PLCE1: variants seen among roughly 807,000 people sequenced by gnomAD.
PLCE1 encodes the protein phospholipase C epsilon 1, also known as 1-phosphatidylinositol 4,5-bisphosphate phosphodiesterase epsilon-1.
PLCE1 carries 119 observed loss-of-function variants against 242.8 expected under a neutral mutation model. The ratio of observed to expected loss-of-function variants is 0.49; its 90% confidence interval spans 0.42 to 0.57. The LOEUF is 0.57. PLCE1 is among the 20% of genes least tolerant of loss of function. The pLI is 0.00. For synonymous variants in PLCE1, 945 were observed against 1,017.4 expected (o/e 0.93, Z 1.35); for missense variants, 2,441 against 2,788.8 (o/e 0.88, Z 2.81).
chr10:94,185,236 G>T (rs1013893690), intron 4 of PLCE1, among the ~76,000 whole-genome samples: 1 of 152,222 alleles, frequency 6.6e-6, no homozygotes, highest in Non-Finnish European at 1.5e-5. Context: ...AGTGGCTCAC[G>T]CCTGTAATAA....
rs886047500 is a variant in PLCE1, at chr10:94,252,502, G to T, written c.3279+4G>T. 6.2e-7 allele frequency: 1 copy of T among 1,610,586 alleles called. No homozygotes were observed. Among genetic ancestry groups the T allele is most frequent in the Non-Finnish European group, 8.5e-7 (1 of 1,178,022 alleles). ...AAAGAAGAAAATCCTCATGAGGGTA[G>T]AGTGTTATTTGTTTATTAAGCATTA... is the stretch of plus-strand genomic sequence containing the variant. On this transcript the variant is annotated splice_donor_region_variant and intron_variant, in intron 9 of 32. Transcript: ENST00000371380.
intron 2 of PLCE1, among the ~76,000 whole-genome samples, chr10:94,051,405 C>T (rs1459085231): frequency 1.3e-5 from 2 of 151,298 alleles, no homozygotes; most frequent in African/African-American, 4.9e-5. Context: ...TTGCCAGCTG[C>T]TCTGGTCTAG....
At chr10:94,072,130 A>G (rs2044378312) in intron 2 of PLCE1, among the ~76,000 whole-genome samples, 1 of 152,188 alleles carries the variant, frequency 6.6e-6, no homozygotes, top group African/African-American at 2.4e-5. Flanking sequence ...TGAGGCTGAA[A>G]TGATACTCCT....
intron 4 of PLCE1, among the ~76,000 whole-genome samples, chr10:94,198,581 T>A (rs1454392005): frequency 6.6e-6 from 1 of 152,204 alleles, no homozygotes; most frequent in Non-Finnish European, 1.5e-5. Context: ...ATCCCAAAAG[T>A]TTTCATCCCA....
At chr10:94,085,268 A>G (rs1188806506) in intron 2 of PLCE1, among the ~76,000 whole-genome samples, 1 of 152,190 alleles carries the variant, frequency 6.6e-6, no homozygotes, top group East Asian at 1.9e-4. Flanking sequence ...GCTTTGCCCC[A>G]TCTGGTACTG....
In PLCE1 at chr10:94,324,553, A is replaced by G. The variant is rs1336628562; in HGVS notation, c.6706A>G (p.Lys2236Glu). Reference sequence around the variant, plus strand: ...TGCAGGAAAATTCATCCTTAAGCTAAAGGAGCAGGTGCAGGTAAAGTTTAA... The same window carrying G: ...TGCAGGAAAATTCATCCTTAAGCTAGAGGAGCAGGTGCAGGTAAAGTTTAA... ...KGAGKFILKLKEQVQASREDK... is the reference protein window; with the variant it reads ...KGAGKFILKLEEQVQASREDK... The change falls in exon 31 of 33, where the codon AAG (lysine) becomes GAG (glutamate). Residue 2236 changes from lysine to glutamate, a missense_variant. Physicochemically the swap from Lys to Glu is moderately conservative, Grantham distance 56. This residue lies in a region of PLCE1 where 310 missense variants were observed against 317.2 expected (regional missense o/e 0.98). Coordinates refer to ENST00000371380, the MANE Select transcript of PLCE1 (RefSeq NM_016341.4). The G allele has an allele frequency of 6.2e-7, 1 of 1,613,454 alleles. No individual in the cohort carries two copies. Among genetic ancestry groups the G allele is most frequent in the Non-Finnish European group, 8.5e-7 (1 of 1,179,356 alleles).
intron 1 of PLCE1, among the ~76,000 whole-genome samples, chr10:93,996,975 A>G (rs1259964971): frequency 6.6e-6 from 1 of 152,220 alleles, no homozygotes; most frequent in African/African-American, 2.4e-5. Context: ...ACTGGTTTCC[A>G]AATGAAATTT....
In PLCE1 at chr10:94,190,308, T is replaced by A. The variant is rs552586489; in HGVS notation, c.1809+18812T>A. On this transcript the variant is annotated intron_variant, in intron 4 of 32. Transcript: ENST00000371380. ...ATTAAATTAATTAATTACGTTTTTT[T>A]AAAAAGATAATGAATCCTGGCTGGG... 4.7e-4 allele frequency among the ~76,000 whole-genome samples: 71 copies of A among 152,236 alleles called. No homozygotes were observed. In the South Asian group the frequency reaches 0.011, roughly 23 times the overall value.
chr10:94,111,418 A>G (rs1351059440), intron 2 of PLCE1, among the ~76,000 whole-genome samples: 9 of 152,222 alleles, frequency 5.9e-5, no homozygotes, highest in Admixed American at 5.9e-4. Context: ...GAAAGCAGAA[A>G]TGCAGTTGAC....
intron 8 of PLCE1, among the ~76,000 whole-genome samples, chr10:94,247,141 T>G (rs1383560195): frequency 1.4e-5 from 2 of 146,416 alleles, no homozygotes; most frequent in Non-Finnish European, 3.0e-5. Context: ...AAAGTTAATA[T>G]GTGTAAAGCC....
chr10:94,312,091 T>C (rs1001262186), intron 27 of PLCE1, among the ~76,000 whole-genome samples: 1 of 152,202 alleles, frequency 6.6e-6, no homozygotes, highest in African/African-American at 2.4e-5. Context: ...TTGTAAATGT[T>C]GGCAACTATT....
intron 2 of PLCE1, among the ~76,000 whole-genome samples, chr10:94,078,020 C>A (rs2135196032): frequency 6.6e-6 from 1 of 152,264 alleles, no homozygotes; most frequent in South Asian, 2.1e-4. Flanking sequence ...CTTAGTTGAA[C>A]TTGTGTGAGG....
At position 94,269,592 on chromosome 10, in the gene PLCE1, C is replaced by T. The variant is rs755126158; in HGVS notation, c.4389+556C>T. Among the ~76,000 whole-genome samples, 12 of 152,244 alleles carry T rather than the reference C, an allele frequency of 7.9e-5. 1 individual carries two copies. The highest frequency in any genetic ancestry group is 6.2e-4 in the South Asian group (3 of 4,830). On this transcript the variant is annotated intron_variant, in intron 17 of 32. Coordinates refer to ENST00000371380, the MANE Select transcript of PLCE1 (RefSeq NM_016341.4). The stretch of plus-strand genomic sequence containing the variant: ...ATTCAACCCAAGTTAGTAACCATTA[C>T]CTTACATTAGTTAGCATGTAATAAT...
chr10:94,031,801 A>C lies in PLCE1; in HGVS notation c.755A>C (p.Gln252Pro), dbSNP rs1292650860. The C allele has an allele frequency of 1.9e-6, 3 of 1,613,694 alleles. No homozygotes were observed. Among genetic ancestry groups the C allele is most frequent in the Non-Finnish European group, 2.5e-6 (3 of 1,179,848 alleles). Residue 252 changes from glutamine (Q) to proline (P), a missense_variant, in exon 2 of 33, where the codon CAG becomes CCG. Physicochemically the swap from Gln to Pro is moderately conservative, Grantham distance 76 (BLOSUM62 -1). Around this residue, in one of 5 missense-constraint regions of PLCE1, gnomAD observed 393 missense variants for 378.5 expected, o/e 1.04. Transcript: ENST00000371380. ...TGTGATAATAAGAATGAGCAGCTGC[A>C]GTGTGATCATTGTGACACCTTGAAT... is the stretch of plus-strand genomic sequence containing the variant. Reference protein sequence around the residue: ...KNCDNKNEQLQCDHCDTLNDK... With the variant: ...KNCDNKNEQLPCDHCDTLNDK...
At chr10:94,256,494 G>A (rs905291054) in intron 11 of PLCE1, among the ~76,000 whole-genome samples, 3 of 152,006 alleles carry the variant, frequency 2.0e-5, no homozygotes, top group African/African-American at 7.3e-5. Context: ...GTGAGCATGG[G>A]TCAAGGTTAT....
chr10:94,325,118 T>C lies in PLCE1; in HGVS notation c.*24+14T>C. On this transcript the variant is annotated intron_variant, in intron 32 of 32. Coordinates refer to ENST00000371380, the MANE Select transcript of PLCE1 (RefSeq NM_016341.4). ...TGTTTAACCCAGGTATAGTAAGTCA[T>C]TGCACCATCCTGGAACAGGGCTTAA... The C allele has an allele frequency of 6.4e-7, 1 of 1,556,244 alleles. No individual in the cohort carries two copies. The highest frequency in any genetic ancestry group is 8.9e-7 in the Non-Finnish European group (1 of 1,127,534).
intron 2 of PLCE1, among the ~76,000 whole-genome samples, chr10:94,047,284 G>A (rs1002651495): frequency 6.6e-6 from 1 of 152,136 alleles, no homozygotes; most frequent in Non-Finnish European, 1.5e-5. Context: ...GTCTTAGAAG[G>A]CTTCATGGGA....
At chr10:94,297,114 C>T (rs1206164056) in intron 23 of PLCE1, among the ~76,000 whole-genome samples, 4 of 152,086 alleles carry the variant, frequency 2.6e-5, no homozygotes, top group Non-Finnish European at 2.9e-5. Context: ...GTGATCCACC[C>T]GCCTCAGCCT....
At chr10:94,274,641 T>A (rs1224882556) in intron 19 of PLCE1, among the ~76,000 whole-genome samples, 2 of 151,608 alleles carry the variant, frequency 1.3e-5, no homozygotes, top group Non-Finnish European at 2.9e-5. Flanking sequence ...AGGAGTGGAG[T>A]GTGCACGCCG....
Sources: gnomAD v4.1 joint callset for allele counts (sites outside exome capture counted in the v4.1 genomes callset) on GRCh38, gnomAD v4.1.1 for gene constraint, gnomAD v4.1.1 regional missense constraint, MANE v1.5 for transcripts, NCBI Gene and HGNC (gene_info 2026-07-23, HGNC 2026-07-21) for gene names.